TPO: variants seen among roughly 807,000 people sequenced by gnomAD.
TPO encodes the protein thyroid peroxidase.
Under a neutral mutation model 96.9 loss-of-function variants are expected in TPO, and 78 were observed. That is an observed-to-expected ratio of 0.81 (90% confidence interval 0.67 to 0.97). TPO has a LOEUF of 0.97. TPO is among the 50% of genes least tolerant of loss of function. The probability of loss-of-function intolerance (pLI) is 0.00; values close to 1 mark genes in which losing one functional copy is unlikely to be tolerated. For missense variants in TPO, 1,252 were observed against 1,274.8 expected (o/e 0.98, Z 0.27); for synonymous variants, 547 against 538.0 (o/e 1.02, Z -0.23).
At chr2:1,396,455 A>G (rs1235272207) in intron 1 of TPO, among the ~76,000 whole-genome samples, 1 of 152,240 alleles carries the variant, frequency 6.6e-6, no homozygotes, top group Non-Finnish European at 1.5e-5. Context: ...GTCTCCGTGC[A>G]TGTGTCAGCC....
At position 1,494,044 on chromosome 2, in the gene TPO, G is replaced by A. The variant is rs778936419; in HGVS notation, c.2006+5G>A. 100 of 1,613,462 alleles carry A rather than the reference G, an allele frequency of 6.2e-5. No individual in the cohort carries two copies. The highest frequency in any genetic ancestry group is 1.7e-4 in the Middle Eastern group (1 of 6,056). ...GGCTCTGCGGGACGGTGACTGGTAC[G>A]TTCCTATCCAGAGCGTCTTCCTTCA... On this transcript the variant is annotated splice_donor_5th_base_variant and intron_variant, in intron 11 of 16. Transcript: ENST00000329066.
At chr2:1,464,347 G>A (rs11211653) in intron 7 of TPO, among the ~76,000 whole-genome samples, 21,905 of 152,100 alleles carry the variant, frequency 0.14, 2,026 homozygotes, top group East Asian at 0.29. Context: ...TGAATTGTGC[G>A]GCTATAAACA....
intron 15 of TPO, among the ~76,000 whole-genome samples, chr2:1,521,324 C>T (rs773159464): frequency 6.6e-6 from 1 of 152,112 alleles, no homozygotes; most frequent in Non-Finnish European, 1.5e-5. Context: ...AGGCACGTCA[C>T]GGGGGGTTCC....
At chr2:1,411,306 G>T (rs1360764914), upstream of TPO, among the ~76,000 whole-genome samples, 1 of 152,096 alleles carries the variant, frequency 6.6e-6, no homozygotes, top group African/African-American at 2.4e-5. Flanking sequence ...GGGGTCAAAT[G>T]GTAACAGCAA....
At chr2:1,526,575 CA>C (rs1484571391) in intron 15 of TPO, among the ~76,000 whole-genome samples, 10 of 148,028 alleles carry the variant, frequency 6.8e-5, no homozygotes, top group African/African-American at 2.3e-4. Context: ...TCTCAAATCC[CA>C]CGCCACTGTG....
intron 7 of TPO, among the ~76,000 whole-genome samples, chr2:1,472,827 C>CAAAAA (rs34064729): frequency 0.38 from 18,084 of 48,142 alleles, 4,227 homozygotes; most frequent in Non-Finnish European, 0.45. Flanking sequence ...TGTTTGGCGG[C>CAAAAA]AAAAAAAAAA....
At position 1,493,905 on chromosome 2, in the gene TPO, C is replaced by T. The variant is rs747654766; in HGVS notation, c.1872C>T (p.Asp624=). 5.6e-6 allele frequency: 9 copies of T among 1,614,112 alleles called. No individual in the cohort carries two copies. Among genetic ancestry groups the T allele is most frequent in the African/African-American group, 2.7e-5 (2 of 74,952 alleles). ...GGAGCGTGGCCGACAAGATCCTGGA[C>T]TTGTACAAGCATCCTGACAACATCG... The part of the protein sequence containing the change: ...ASRSVADKIL[D]LYKHPDNIDV... Residue 624 remains aspartate, a synonymous_variant, in exon 11 of 17, where the codon GAC becomes GAT. Coordinates refer to ENST00000329066, the MANE Select transcript of TPO (RefSeq NM_001206744.2).
intron 8 of TPO, among the ~76,000 whole-genome samples, chr2:1,481,008 C>T (rs184184581): frequency 2.6e-5 from 4 of 151,748 alleles, no homozygotes; most frequent in East Asian, 2.0e-4. Context: ...TCTGCAGGGC[C>T]GCCCTCTGTG....
At chr2:1,445,970 G>C (rs954637802) in intron 5 of TPO, among the ~76,000 whole-genome samples, 1 of 152,200 alleles carries the variant, frequency 6.6e-6, no homozygotes, top group African/African-American at 2.4e-5. Flanking sequence ...GTACCATGTT[G>C]GATAAGTGGC....
At chr2:1,501,910 T>C (rs1672912123) in intron 13 of TPO, among the ~76,000 whole-genome samples, 1 of 151,992 alleles carries the variant, frequency 6.6e-6, no homozygotes, top group Non-Finnish European at 1.5e-5. Flanking sequence ...TTGTGATGAT[T>C]TTTCCCAGCA....
intron 15 of TPO, among the ~76,000 whole-genome samples, chr2:1,519,768 C>A (rs989423461): frequency 6.6e-6 from 1 of 152,066 alleles, no homozygotes; most frequent in African/African-American, 2.4e-5. Flanking sequence ...ATTTCCTATT[C>A]ATAAACAATT....
chr2:1,512,342 C>A, intron 14 of TPO: 1 of 970,156 alleles, frequency 1.0e-6, no homozygotes, highest in Non-Finnish European at 1.2e-6. Context: ...AGTGCTACCT[C>A]TTTGCTAAGG....
Position 1,489,234 on chromosome 2 carries a change from C to T in TPO, c.1768+1243C>T, listed in dbSNP as rs929766950. Among the ~76,000 whole-genome samples the T allele has an allele frequency of 3.3e-5, 5 of 151,778 alleles. 1 individual carries two copies. In the South Asian group the frequency reaches 8.4e-4, roughly 25 times the overall value. On this transcript the variant is annotated intron_variant, in intron 10 of 16. Coordinates refer to ENST00000329066, the MANE Select transcript of TPO (RefSeq NM_001206744.2). ...TGCCCAGCACACGCCTGCACATGCC[C>T]AGCACATGCCTAGCACATACCCAGC... is the stretch of plus-strand genomic sequence containing the variant.
rs920108544 is a variant in TPO at position 1,543,452 on chromosome 2, G to T, written c.*978G>T. The T allele has an allele frequency of 1.9e-4, 29 of 152,318 alleles. No individual in the cohort carries two copies. The highest frequency in any genetic ancestry group is 6.5e-4 in the African/African-American group (27 of 41,562). The allele number at this position is 152,318 out of a possible 1,614,324, so 9.4% of individuals were successfully genotyped here. On this transcript the variant is annotated 3_prime_UTR_variant, in exon 17 of 17. Transcript: ENST00000329066. ...ATGATCTCACCCACGAATGACAACA[G>T]TGGCACAGGAGGGCTATGAACATTT...
At chr2:1,454,073 G>A (rs981370997) in intron 6 of TPO, among the ~76,000 whole-genome samples, 2 of 152,124 alleles carry the variant, frequency 1.3e-5, no homozygotes, top group African/African-American at 4.8e-5. Context: ...CAACCCTAAC[G>A]TTTCTGTTCC....
chr2:1,476,888 A>G (rs1017998451), intron 7 of TPO, among the ~76,000 whole-genome samples, 198 bp from the exon 8 acceptor site: 18 of 151,544 alleles, frequency 1.2e-4, no homozygotes, highest in African/African-American at 4.4e-4. Context: ...CAACCCCTGC[A>G]GCCTCTTCCA....
At chr2:1,384,922 A>C (rs546320500) in intron 1 of TPO, among the ~76,000 whole-genome samples, 1 of 152,100 alleles carries the variant, frequency 6.6e-6, no homozygotes, top group African/African-American at 2.4e-5. Flanking sequence ...TTAGCATGAA[A>C]GGCTGTTGAA....
intron 6 of TPO, 130 bp downstream of exon 6, chr2:1,453,953 TC>T: frequency 7.2e-7 from 1 of 1,392,720 alleles, no homozygotes; most frequent in South Asian, 1.2e-5. Flanking sequence ...CCTCCCAGCC[TC>T]CCTTTGATGT....
In TPO at chr2:1,442,096, C is replaced by T. The variant is rs150504780; in HGVS notation, c.482+5712C>T. On this transcript the variant is annotated intron_variant, in intron 5 of 16. Transcript: ENST00000329066. ...TGCCGCCATCCATGTAAGACATGAC[C>T]TGCTCCTCCTTGCCTTCCACCATGA... is the stretch of plus-strand genomic sequence containing the variant. Among the ~76,000 whole-genome samples the T allele has an allele frequency of 9.9e-3, 1,509 of 152,314 alleles. 29 individuals carry two copies. Among genetic ancestry groups the T allele is most frequent in the African/African-American group, 0.035 (1,444 of 41,564 alleles).
Sources: allele counts gnomAD v4.1 joint callset (sites outside exome capture counted in the v4.1 genomes callset), GRCh38; gene constraint gnomAD v4.1.1; transcripts MANE v1.5; gene names NCBI Gene and HGNC (gene_info 2026-07-23, HGNC 2026-07-21).